LINGO2: variants seen among roughly 807,000 people sequenced by gnomAD.
LINGO2 encodes leucine-rich repeat and immunoglobulin-like domain-containing nogo receptor-interacting protein 2.
In LINGO2, 14 loss-of-function variants were observed where a neutral mutation model predicts 30.6. That is an observed-to-expected ratio of 0.46 (90% confidence interval 0.30 to 0.72). The LOEUF is 0.72. Ranked by LOEUF, LINGO2 falls within the 30% of genes least tolerant of loss-of-function variation. The pLI is 0.07. For synonymous variants in LINGO2, 317 were observed against 288.5 expected, an observed-to-expected ratio of 1.10 and a Z score of -1.00; for missense variants, 729 against 751.7, an observed-to-expected ratio of 0.97 and a Z score of 0.35.
At chr9:28,603,951 C>T (rs1218255763) in intron 1 of LINGO2, among the ~76,000 whole-genome samples, 1 of 151,998 alleles carries the variant, frequency 6.6e-6, no homozygotes, top group Non-Finnish European at 1.5e-5. Context: ...AACATTGTTT[C>T]TTCTGTTTTC....
intron 1 of LINGO2, among the ~76,000 whole-genome samples, chr9:28,553,661 C>A (rs531264023): frequency 2.1e-4 from 32 of 151,982 alleles, no homozygotes; most frequent in African/African-American, 5.5e-4. Context: ...CACAAAGATA[C>A]TCCTCGAGAA....
chr9:28,161,199 C>T (rs182148718), intron 4 of LINGO2, among the ~76,000 whole-genome samples: 6 of 152,084 alleles, frequency 3.9e-5, no homozygotes, highest in South Asian at 2.1e-4. Flanking sequence ...TTGTTGATAC[C>T]GGTGGTCAGT....
chr9:28,936,063 T>C, the LINGO2 span, among the ~76,000 whole-genome samples: 2 of 152,260 alleles, frequency 1.3e-5, no homozygotes, highest in Admixed American at 1.3e-4. Context: ...AATATTAAGA[T>C]AGTAAGGGAA....
chr9:28,245,759 G>A (rs998888534), intron 4 of LINGO2, among the ~76,000 whole-genome samples: 2 of 152,086 alleles, frequency 1.3e-5, no homozygotes, highest in Non-Finnish European at 2.9e-5. Flanking sequence ...ACTCTTCAAG[G>A]AGAACTACAA....
chr9:29,072,347 A>T, the LINGO2 span, among the ~76,000 whole-genome samples: 6 of 152,000 alleles, frequency 3.9e-5, no homozygotes, highest in Non-Finnish European at 7.4e-5. Context: ...GAATGGAAAC[A>T]TAAGACCTTT....
the LINGO2 span, among the ~76,000 whole-genome samples, chr9:29,045,042 T>C: frequency 2.0e-5 from 3 of 152,262 alleles, no homozygotes; most frequent in African/African-American, 7.2e-5. Flanking sequence ...ATAAAATGCC[T>C]ACCTGATGAG....
At chr9:28,250,058 A>G (rs1319871566) in intron 4 of LINGO2, among the ~76,000 whole-genome samples, 5 of 152,172 alleles carry the variant, frequency 3.3e-5, no homozygotes, top group African/African-American at 9.7e-5. Flanking sequence ...ATGTTTTATT[A>G]CTGACACCAA....
At chr9:28,917,155 A>T in the LINGO2 span, among the ~76,000 whole-genome samples, 1 of 152,202 alleles carries the variant, frequency 6.6e-6, no homozygotes, top group African/African-American at 2.4e-5. Flanking sequence ...CAGACCCTGA[A>T]AATTGGAAGT....
chr9:28,947,840 A>G, the LINGO2 span, among the ~76,000 whole-genome samples: 2 of 152,018 alleles, frequency 1.3e-5, no homozygotes, highest in Admixed American at 1.3e-4. Context: ...CAATTTCAAC[A>G]TGGATGCTCC....
rs145816256 is a variant in LINGO2 at position 28,189,701 on chromosome 9, G to GAGGAAGGAAGGAAGGAAGGAAGGA, written c.-87+105506_-87+105507insTCCTTCCTTCCTTCCTTCCTTCCT. 3.0e-3 allele frequency among the ~76,000 whole-genome samples: 50 copies of GAGGAAGGAAGGAAGGAAGGAAGGA among 16,614 alleles called. 2 individuals are homozygous for GAGGAAGGAAGGAAGGAAGGAAGGA. The highest frequency in any genetic ancestry group is 8.1e-3 in the African/African-American group (46 of 5,700). 10.9% of individuals were successfully genotyped at this position (16,614 alleles called of 152,430 possible). A position where few individuals can be genotyped will look rare whatever the true frequency, so the allele number is the denominator to read the frequency against. On this transcript the variant is annotated intron_variant, in intron 4 of 5. Transcript: ENST00000379992. The stretch of plus-strand genomic sequence containing the variant: ...GAAGGAAGGGAGGAAGGAAGGGAGG[G>GAGGAAGGAAGGAAGGAAGGAAGGA]AGGAAGGAAGGAAGGAAGGAAGGTT...
the LINGO2 span, among the ~76,000 whole-genome samples, chr9:29,146,201 C>A: frequency 7.9e-5 from 12 of 151,248 alleles, no homozygotes; most frequent in African/African-American, 2.7e-4. Context: ...ACTAAAAATA[C>A]AAAAATTAGC....
chr9:28,642,063 A>ATGTG (rs35732736), intron 1 of LINGO2, among the ~76,000 whole-genome samples: 13,868 of 149,288 alleles, frequency 0.093, 858 homozygotes, highest in Admixed American at 0.19. Flanking sequence ...AATGTTATAT[A>ATGTG]TGTGTGTGTG....
chr9:27,957,920 C>A (rs1372448843), intron 5 of LINGO2, among the ~76,000 whole-genome samples: 2 of 152,122 alleles, frequency 1.3e-5, no homozygotes, highest in Non-Finnish European at 2.9e-5. Context: ...AAGACAGTTT[C>A]ATTCTTTCCT....
chr9:27,944,122 C>T (rs1403665407), downstream of LINGO2: 1 of 152,122 alleles, frequency 6.6e-6, no homozygotes. Flanking sequence ...TTAAAAATCT[C>T]ACATAAGATA....
intron 1 of LINGO2, among the ~76,000 whole-genome samples, chr9:28,600,574 T>C (rs1469800654): frequency 6.6e-6 from 1 of 152,132 alleles, no homozygotes; most frequent in Non-Finnish European, 1.5e-5. Context: ...CAGTGTGAAT[T>C]ACTAAATAGA....
In LINGO2 at chr9:28,664,504, C is replaced by T. The variant is rs1044054098; in HGVS notation, c.-365+5696G>A. 1.3e-5 allele frequency among the ~76,000 whole-genome samples: 2 copies of T among 151,996 alleles called. 1 individual carries two copies. The highest frequency in any genetic ancestry group is 2.9e-5 in the Non-Finnish European group (2 of 67,976). On this transcript the variant is annotated intron_variant, in intron 1 of 5. Coordinates refer to ENST00000379992, the Ensembl canonical transcript of LINGO2. ...GTCAGAGAGAGAATAGGGAGTAAGACCTTGGTCAATTTAACATTTTGAGAT... is the reference window on the plus strand; with the variant it reads ...GTCAGAGAGAGAATAGGGAGTAAGATCTTGGTCAATTTAACATTTTGAGAT...
the LINGO2 span, among the ~76,000 whole-genome samples, chr9:29,058,674 A>T: frequency 6.6e-6 from 1 of 151,968 alleles, no homozygotes; most frequent in Admixed American, 6.6e-5. Context: ...AAATCCCTGA[A>T]AATAAAGACA....
intron 4 of LINGO2, among the ~76,000 whole-genome samples, chr9:28,038,887 C>CTT (rs1323102541): frequency 6.6e-6 from 1 of 152,202 alleles, no homozygotes; most frequent in Non-Finnish European, 1.5e-5. Flanking sequence ...TCTGTATTCA[C>CTT]TTCCCTCAGA....
intron 4 of LINGO2, among the ~76,000 whole-genome samples, chr9:28,150,745 T>C (rs1827975046): frequency 6.6e-6 from 1 of 152,144 alleles, no homozygotes; most frequent in African/African-American, 2.4e-5. Flanking sequence ...TTATCCAGAG[T>C]ATCAGAATCC....
Sources: gnomAD v4.1 joint callset for allele counts (sites outside exome capture counted in the v4.1 genomes callset) on GRCh38, gnomAD v4.1.1 for gene constraint, MANE v1.5 for transcripts, NCBI Gene and HGNC (gene_info 2026-07-23, HGNC 2026-07-21) for gene names.